Variants in DENND1B observed in about 807,000 individuals in gnomAD.
The protein encoded by DENND1B is DENN domain containing 1B.
A neutral mutation model predicts 90.1 loss-of-function variants in DENND1B; 59 were observed. The ratio of observed to expected loss-of-function variants is 0.65; its 90% CI spans 0.53 to 0.81. The LOEUF is 0.81. Ranked by LOEUF, DENND1B falls within the 40% of genes least tolerant of loss-of-function variation. The pLI is 0.00. For missense variants in DENND1B, 862 were observed against 912.6 expected, an observed-to-expected ratio of 0.94 and a Z score of 0.71; for synonymous variants, 337 against 324.6, an observed-to-expected ratio of 1.04 and a Z score of -0.41.
At chr1:197,712,677 G>A (rs1167470945) in intron 3 of DENND1B, among the ~76,000 whole-genome samples, 1 of 14,840 alleles carries the variant, frequency 6.7e-5, no homozygotes, top group Non-Finnish European at 1.2e-4. Flanking sequence ...GAGTGGGCAA[G>A]GACTTCATGT....
In DENND1B at chr1:197,539,420, G is replaced by GA. The variant is rs200648287; in HGVS notation, c.1515+543dup. Among the ~76,000 whole-genome samples the GA allele has an allele frequency of 9.1e-3, 1,364 of 149,950 alleles. 13 individuals are homozygous for GA. Among genetic ancestry groups the GA allele is most frequent in the Non-Finnish European group, 0.014 (924 of 67,474 alleles). ...TTAGAGCCTTCATAAATGTACTTATGAAAAAAAAACCAGGAACACTTATAG... is the reference window on the plus strand; with the variant it reads ...TTAGAGCCTTCATAAATGTACTTATGAAAAAAAAAACCAGGAACACTTATAG... On this transcript the variant is annotated intron_variant, in intron 20 of 22. Transcript: ENST00000620048.
intron 15 of DENND1B, among the ~76,000 whole-genome samples, chr1:197,572,324 A>G (rs2125737365): frequency 6.6e-6 from 1 of 152,286 alleles, no homozygotes; most frequent in African/African-American, 2.4e-5. Context: ...CTACCGCAGC[A>G]GTCTGAGATT....
At chr1:197,643,747 C>T (rs1441249640) in intron 9 of DENND1B, among the ~76,000 whole-genome samples, 2 of 152,132 alleles carry the variant, frequency 1.3e-5, no homozygotes, top group African/African-American at 4.8e-5. Flanking sequence ...AAATTGATTC[C>T]TTAATTTAGC....
chr1:197,507,630 T>C lies in DENND1B; in HGVS notation c.*2830A>G, dbSNP rs1285564654. The C allele has an allele frequency of 1.3e-5, 2 of 151,624 alleles. No homozygotes were observed. Among genetic ancestry groups the C allele is most frequent in the East Asian group, 3.9e-4 (2 of 5,156 alleles). The allele number at this position is 151,624 out of a possible 1,614,324, so 9.4% of individuals were successfully genotyped here. ...AGTCTTTTTAGTTTATACAATTCTG[T>C]TGTATAACAGGTGTTGCTTCTTTGA... On this transcript the variant is annotated 3_prime_UTR_variant, in exon 23 of 23. Transcript: ENST00000620048.
At chr1:197,523,191 T>C (rs890617269) in intron 20 of DENND1B, among the ~76,000 whole-genome samples, 1 of 152,022 alleles carries the variant, frequency 6.6e-6, no homozygotes, top group Admixed American at 6.6e-5. Context: ...ACAAAAGCCT[T>C]AAACTGCTGA....
chr1:197,699,025 A>G (rs1658745203), intron 3 of DENND1B, among the ~76,000 whole-genome samples: 1 of 152,216 alleles, frequency 6.6e-6, no homozygotes, highest in African/African-American at 2.4e-5. Flanking sequence ...TATTTCAAAT[A>G]ACTGAAAAGG....
At position 197,550,935 on chromosome 1, in the gene DENND1B, T is replaced by C. The variant is rs181444012; in HGVS notation, c.1240+2087A>G. Among the ~76,000 whole-genome samples the C allele has an allele frequency of 7.0e-4, 107 of 152,172 alleles. 1 individual carries two copies. Among genetic ancestry groups the C allele is most frequent in the African/African-American group, 2.4e-3 (99 of 41,530 alleles). ...AATATGAGCAATTATTATATTACTA[T>C]TATTATGAGATAAACAACAAAGTTA... is the stretch of plus-strand genomic sequence containing the variant. On this transcript the variant is annotated intron_variant, in intron 16 of 22. Coordinates refer to ENST00000620048, the MANE Select transcript of DENND1B (RefSeq NM_001195215.2).
At chr1:197,589,147 AT>A (rs973197842) in intron 14 of DENND1B, among the ~76,000 whole-genome samples, 1 of 152,048 alleles carries the variant, frequency 6.6e-6, no homozygotes, top group Non-Finnish European at 1.5e-5. Context: ...TAAAAATTAC[AT>A]TTTTCTTCCC....
chr1:197,659,148 CTT>C (rs1437680906), intron 5 of DENND1B, among the ~76,000 whole-genome samples: 4 of 151,272 alleles, frequency 2.6e-5, no homozygotes, highest in African/African-American at 9.7e-5. Context: ...ATACTCAAGA[CTT>C]TTCTTCAAAG....
At chr1:197,718,050 A>G (rs1326617714) in intron 2 of DENND1B, among the ~76,000 whole-genome samples, 1 of 152,048 alleles carries the variant, frequency 6.6e-6, no homozygotes, top group Non-Finnish European at 1.5e-5. Flanking sequence ...ATATGTATGA[A>G]GAAATTGAGG....
chr1:197,625,585 G>A (rs543383629), intron 10 of DENND1B, among the ~76,000 whole-genome samples: 19 of 152,072 alleles, frequency 1.2e-4, no homozygotes, highest in South Asian at 6.2e-4. Flanking sequence ...GACCATCGAG[G>A]CTAGGAAGAA....
chr1:197,760,914 T>C (rs938936349), intron 2 of DENND1B, among the ~76,000 whole-genome samples: 1 of 152,206 alleles, frequency 6.6e-6, no homozygotes, highest in Non-Finnish European at 1.5e-5. Context: ...GTTTAGGGTA[T>C]ACAGTCAACA....
At chr1:197,750,155 C>T (rs1653277455) in intron 2 of DENND1B, among the ~76,000 whole-genome samples, 1 of 152,116 alleles carries the variant, frequency 6.6e-6, no homozygotes, top group African/African-American at 2.4e-5. Flanking sequence ...CCAGGATTTT[C>T]TTTCATATAG....
At chr1:197,559,307 A>G (rs1671966477) in intron 15 of DENND1B, among the ~76,000 whole-genome samples, 1 of 151,976 alleles carries the variant, frequency 6.6e-6, no homozygotes, top group Admixed American at 6.6e-5. Flanking sequence ...TTAAATCCTT[A>G]TAAAAAAGAT....
intron 18 of DENND1B, among the ~76,000 whole-genome samples, chr1:197,544,994 A>G: frequency 2.4e-5 from 1 of 41,834 alleles, no homozygotes; most frequent in African/African-American, 9.5e-5. Flanking sequence ...GGAAGAAGGA[A>G]GAAGGAAGAC....
At chr1:197,524,013 G>T (rs1668965722) in intron 20 of DENND1B, among the ~76,000 whole-genome samples, 1 of 151,996 alleles carries the variant, frequency 6.6e-6, no homozygotes, top group Admixed American at 6.6e-5. Context: ...GAATTCTTCT[G>T]ATGGGCCCAT....
intron 2 of DENND1B, among the ~76,000 whole-genome samples, chr1:197,717,178 A>C (rs1162513399): frequency 2.6e-5 from 4 of 151,966 alleles, no homozygotes; most frequent in African/African-American, 9.7e-5. Context: ...CTTTGTAGCA[A>C]CTTTTCAGAA....
rs934460543 is a variant in DENND1B at position 197,566,782 on chromosome 1, T to C, written c.1150-13670A>G. Among the ~76,000 whole-genome samples, 5 of 151,506 alleles carry C rather than the reference T, an allele frequency of 3.3e-5. No homozygotes were observed. The East Asian group carries it at 9.7e-4, about 29-fold the overall frequency. On this transcript the variant is annotated intron_variant, in intron 15 of 22. Transcript: ENST00000620048. ...ATGGTGCTAAAAGAAGGGAAATTCA[T>C]AGAAGTATGAGAGGTAAAAAAAAAA...
chr1:197,515,172 G>C (rs1272422965), intron 20 of DENND1B, among the ~76,000 whole-genome samples: 1 of 151,602 alleles, frequency 6.6e-6, no homozygotes, highest in African/African-American at 2.4e-5. Context: ...CACTGCTTGT[G>C]AGTGGCAAAA....
Sources: gnomAD v4.1 joint callset for allele counts (sites outside exome capture counted in the v4.1 genomes callset) on GRCh38, gnomAD v4.1.1 for gene constraint, MANE v1.5 for transcripts, NCBI Gene and HGNC (gene_info 2026-07-23, HGNC 2026-07-21) for gene names.